The following WRN variants were observed in gnomAD, a reference collection of about 807,000 sequenced individuals.
WRN encodes the protein bifunctional 3'-5' exonuclease/ATP-dependent helicase WRN.
Under a neutral mutation model 180.7 loss-of-function variants are expected in WRN, and 149 were observed. That is an observed-to-expected ratio of 0.82 (90% CI 0.72 to 0.94). WRN has a LOEUF of 0.94. WRN is among the 40% of genes least tolerant of loss of function. The pLI is 0.00. For synonymous variants in WRN, 548 were observed against 568.9 expected, an observed-to-expected ratio of 0.96 and a Z score of 0.52; for missense variants, 1,661 against 1,700.1, an observed-to-expected ratio of 0.98 and a Z score of 0.40.
intron 19 of WRN, among the ~76,000 whole-genome samples, chr8:31,113,679 T>C (rs962251972): frequency 3.9e-5 from 6 of 152,186 alleles, no homozygotes; most frequent in Admixed American, 2.6e-4. Context: ...GTTTGCCTTT[T>C]TTGTGTGTAA....
chr8:31,149,455 GTTTTTTTTTTTTTT>G lies in WRN; in HGVS notation c.3573-863_3573-850del, dbSNP rs71208105. 3.0e-3 allele frequency among the ~76,000 whole-genome samples: 155 copies of G among 51,960 alleles called. 4 individuals carry two copies. The highest frequency in any genetic ancestry group is 0.01 in the African/African-American group (130 of 12,994). The allele number at this position is 51,960 out of a possible 152,430, so 34.1% of individuals were successfully genotyped here. A position where few individuals can be genotyped will look rare whatever the true frequency, so the allele number is the denominator to read the frequency against. Reference sequence around the variant, plus strand: ...TCTAAGACCATACTTTAATAGAGGTGTTTTTTTTTTTTTTTTTTTTTTTTTTTTTTTTTTTTGGT... The same window carrying G: ...TCTAAGACCATACTTTAATAGAGGTGTTTTTTTTTTTTTTTTTTTTTTGGT... On this transcript the variant is annotated intron_variant, in intron 30 of 34. Transcript: ENST00000298139.
At chr8:31,109,369 T>C (rs1453212975) in intron 18 of WRN, among the ~76,000 whole-genome samples, 1 of 152,208 alleles carries the variant, frequency 6.6e-6, no homozygotes, top group Admixed American at 6.5e-5. Flanking sequence ...TTCTAGAATG[T>C]TGAGGCAAAA....
intron 18 of WRN, among the ~76,000 whole-genome samples, chr8:31,110,904 T>C (rs1801286973): frequency 6.6e-6 from 1 of 152,190 alleles, no homozygotes; most frequent in African/African-American, 2.4e-5. Context: ...AGGCATGTTG[T>C]TACCGTACCT....
chr8:31,034,303 A>G (rs1410250938), intron 1 of WRN, among the ~76,000 whole-genome samples: 1 of 152,184 alleles, frequency 6.6e-6, no homozygotes, highest in Non-Finnish European at 1.5e-5. Context: ...TCTGCACAGC[A>G]AAGTCGAGGG....
chr8:31,087,742 G>A, intron 11 of WRN, 34 bp from the exon 12 acceptor site: 2 of 1,597,332 alleles, frequency 1.3e-6, no homozygotes, highest in Non-Finnish European at 8.6e-7. Flanking sequence ...CACTGTCAGT[G>A]GTTTTGCTTT....
At chr8:31,153,825 G>A (rs1803244278) in intron 31 of WRN, among the ~76,000 whole-genome samples, 1 of 152,046 alleles carries the variant, frequency 6.6e-6, no homozygotes, top group South Asian at 2.1e-4. Flanking sequence ...AGAGCTCATG[G>A]ACACATTTCC....
chr8:31,143,064 C>CACACACACACACATACAT (rs1489579629), intron 27 of WRN, among the ~76,000 whole-genome samples: 1 of 132,722 alleles, frequency 7.5e-6, no homozygotes, highest in African/African-American at 2.8e-5. Flanking sequence ...CATTCTCTCT[C>CACACACACACACATACAT]TCTCTCTCTC....
chr8:31,086,402 C>T (rs1463270744), intron 11 of WRN, among the ~76,000 whole-genome samples: 5 of 151,864 alleles, frequency 3.3e-5, no homozygotes, highest in Non-Finnish European at 7.4e-5. Context: ...GCAAAACCCT[C>T]TCTCTCCAGA....
intron 19 of WRN, among the ~76,000 whole-genome samples, chr8:31,114,592 A>G (rs1422177670): frequency 3.3e-5 from 5 of 152,116 alleles, no homozygotes; most frequent in East Asian, 1.9e-4. Context: ...AAGGACTCCA[A>G]TTTTCTAATT....
At chr8:31,058,621 G>A in intron 2 of WRN, 78 bp downstream of exon 2, 1 of 1,446,850 alleles carries the variant, frequency 6.9e-7, no homozygotes, top group African/African-American at 1.4e-5. Context: ...GTTGTTACTT[G>A]TAAACTTCAA....
At chr8:31,170,188 T>C (rs1044106936) in intron 34 of WRN, among the ~76,000 whole-genome samples, 1 of 152,178 alleles carries the variant, frequency 6.6e-6, no homozygotes, top group African/African-American at 2.4e-5. Context: ...ATTGTAAATG[T>C]CGACAATGGA....
intron 18 of WRN, among the ~76,000 whole-genome samples, chr8:31,107,146 AGTG>A (rs1302114295): frequency 6.6e-6 from 1 of 152,232 alleles, no homozygotes; most frequent in African/African-American, 2.4e-5. Context: ...GGTATTATGA[AGTG>A]GTACAAATAA....
intron 23 of WRN, among the ~76,000 whole-genome samples, chr8:31,127,023 A>C (rs992370992): frequency 2.6e-5 from 4 of 152,244 alleles, no homozygotes; most frequent in African/African-American, 7.2e-5. Context: ...AATTAAACTT[A>C]CAGTGAATTA....
intron 1 of WRN, among the ~76,000 whole-genome samples, chr8:31,052,735 A>G (rs964508374): frequency 2.0e-5 from 3 of 152,122 alleles, no homozygotes; most frequent in Non-Finnish European, 4.4e-5. Context: ...CATTATTTTT[A>G]ATGACTGTGT....
intron 18 of WRN, among the ~76,000 whole-genome samples, chr8:31,108,056 T>C (rs1295729626): frequency 2.6e-5 from 4 of 152,234 alleles, no homozygotes; most frequent in South Asian, 2.1e-4. Context: ...ACTTATACTT[T>C]TCTCAGTCTG....
At chr8:31,094,590 T>A (rs2130192143) in intron 16 of WRN, among the ~76,000 whole-genome samples, 1 of 152,248 alleles carries the variant, frequency 6.6e-6, no homozygotes, top group South Asian at 2.1e-4. Flanking sequence ...CAAGTAATTG[T>A]CCCACCTCAG....
chr8:31,057,922 G>A (rs1165978097), intron 1 of WRN, among the ~76,000 whole-genome samples: 1 of 152,028 alleles, frequency 6.6e-6, no homozygotes, highest in Non-Finnish European at 1.5e-5. Context: ...TAGGTGAGGA[G>A]CAAAATAAAA....
At chr8:31,167,845 A>G (rs769944337) in intron 34 of WRN, among the ~76,000 whole-genome samples, 1 of 152,156 alleles carries the variant, frequency 6.6e-6, no homozygotes, top group Non-Finnish European at 1.5e-5. Flanking sequence ...ATATGACTCT[A>G]TTAAATGATG....
At chr8:31,092,159 A>T (rs1449833691) in intron 16 of WRN, among the ~76,000 whole-genome samples, 1 of 152,078 alleles carries the variant, frequency 6.6e-6, no homozygotes, top group African/African-American at 2.4e-5. Context: ...AAATCCTTCA[A>T]ACTTGAAGAA....
Sources: allele counts gnomAD v4.1 joint callset (sites outside exome capture counted in the v4.1 genomes callset), GRCh38; gene constraint gnomAD v4.1.1; transcripts MANE v1.5; gene names NCBI Gene and HGNC (gene_info 2026-07-23, HGNC 2026-07-21).